Variants in RARRES1 observed in about 807,000 individuals in gnomAD.
The protein encoded by RARRES1 is retinoic acid receptor responder protein 1.
RARRES1 carries 34 observed loss-of-function variants against 30.6 expected under a neutral mutation model. The observed-to-expected ratio is 1.11, with a 90% confidence interval of 0.84 to 1.48. RARRES1 has a LOEUF of 1.48. Among genes scored for constraint, RARRES1 ranks in the 40% most tolerant of loss-of-function variants. The pLI is 0.00. For synonymous variants in RARRES1, 153 were observed against 155.5 expected, an observed-to-expected ratio of 0.98 and a Z score of 0.12; for missense variants, 373 against 386.5, an observed-to-expected ratio of 0.97 and a Z score of 0.29.
intron 3 of RARRES1, 100 bp downstream of exon 3, chr3:158,710,638 A>C (rs1727089372): frequency 8.8e-7 from 1 of 1,134,094 alleles, no homozygotes. Flanking sequence ...AGTTGAATGA[A>C]AGTGCCACTT....
intron 1 of RARRES1, 131 bp downstream of exon 1, chr3:158,732,009 G>T: frequency 1.1e-6 from 1 of 952,370 alleles, no homozygotes; most frequent in Non-Finnish European, 1.4e-6. Flanking sequence ...GATCTCCCCG[G>T]GCGTCGTGCG....
chr3:158,725,377 G>A (rs1028335112), intron 1 of RARRES1, among the ~76,000 whole-genome samples: 4 of 152,204 alleles, frequency 2.6e-5, no homozygotes, highest in African/African-American at 7.2e-5. Context: ...GGGCGAGTGT[G>A]TGTGTATGTA....
rs142954846 is a variant in RARRES1 at position 158,710,826 on chromosome 3, G to C, written c.447C>G (p.Ile149Met). 1.6e-5 allele frequency: 26 copies of C among 1,613,032 alleles called. No homozygotes were observed. The African/African-American group carries it at 2.4e-4, about 15-fold the overall frequency. ...PTINVTCTRL[I>M]EKKKRQQEDY... The stretch of plus-strand genomic sequence containing the variant: ...CCTCTTGTTGTCTTTTCTTTTTCTC[G>C]ATGAGCCGTGTACAAGTTACATTGA... The change falls in exon 3 of 6, where the codon ATC becomes ATG. Residue 149 changes from isoleucine (I) to methionine (M), a missense_variant. Ile to Met is a conservative substitution (Grantham distance 10). Coordinates refer to ENST00000237696, the MANE Select transcript of RARRES1 (RefSeq NM_206963.2).
chr3:158,730,430 C>T (rs1727845842), intron 1 of RARRES1, among the ~76,000 whole-genome samples: 3 of 139,632 alleles, frequency 2.1e-5, no homozygotes, highest in South Asian at 4.7e-4. Flanking sequence ...CTCTCTTTCT[C>T]TCTCTTTTTT....
At chr3:158,699,946 T>A (rs116765187) in intron 4 of RARRES1, among the ~76,000 whole-genome samples, 1 of 152,320 alleles carries the variant, frequency 6.6e-6, no homozygotes, top group African/African-American at 2.4e-5. Context: ...TATCCCAAGA[T>A]GTCCCACACC....
chr3:158,704,414 T>C (rs1427764201), intron 4 of RARRES1, among the ~76,000 whole-genome samples: 1 of 152,004 alleles, frequency 6.6e-6, no homozygotes, highest in East Asian at 1.9e-4. Flanking sequence ...AATTTTTTTG[T>C]AGAGATAGGG....
At chr3:158,711,020 A>AAGGC (rs3830357) in intron 2 of RARRES1, 87 bp from the exon 3 acceptor site, 326,747 of 1,185,710 alleles carry the variant, frequency 0.28, 51,749 homozygotes, top group South Asian at 0.42. Context: ...TTCATTGTAC[A>AAGGC]AGGCAGGCAG....
At chr3:158,732,090 C>G in intron 1 of RARRES1, 50 bp downstream of exon 1, 1 of 1,296,478 alleles carries the variant, frequency 7.7e-7, no homozygotes, top group East Asian at 3.1e-5. Context: ...CCTCCCAGCG[C>G]CGTGCGCGGA....
At chr3:158,700,872 T>G (rs80157926) in intron 4 of RARRES1, among the ~76,000 whole-genome samples, 2 of 152,162 alleles carry the variant, frequency 1.3e-5, no homozygotes, top group African/African-American at 4.8e-5. Context: ...TACTTGGTCA[T>G]AACCCAACCC....
chr3:158,711,631 TC>T (rs1371585753), intron 2 of RARRES1, among the ~76,000 whole-genome samples: 5 of 142,140 alleles, frequency 3.5e-5, no homozygotes, highest in Non-Finnish European at 6.0e-5. Flanking sequence ...TGAGATGGAG[TC>T]CTGCCTGGGT....
At chr3:158,726,714 A>G (rs1238854198) in intron 1 of RARRES1, among the ~76,000 whole-genome samples, 1 of 152,224 alleles carries the variant, frequency 6.6e-6, no homozygotes, top group Non-Finnish European at 1.5e-5. Flanking sequence ...ATTCTTTGAG[A>G]GCTCATTCCA....
At chr3:158,713,974 C>A (rs1454697453) in intron 1 of RARRES1, 115 bp from the exon 2 acceptor site, 1 of 942,256 alleles carries the variant, frequency 1.1e-6, no homozygotes, top group African/African-American at 1.7e-5. Flanking sequence ...AGCATTTATA[C>A]CTGAATAAAA....
chr3:158,718,563 C>T (rs1348084198), intron 1 of RARRES1, among the ~76,000 whole-genome samples: 1 of 152,194 alleles, frequency 6.6e-6, no homozygotes, highest in Non-Finnish European at 1.5e-5. Context: ...TTTACGACTG[C>T]AGTCTGGCAT....
intron 1 of RARRES1, among the ~76,000 whole-genome samples, chr3:158,724,037 G>A (rs539308515): frequency 7.2e-5 from 11 of 152,316 alleles, no homozygotes; most frequent in African/African-American, 2.4e-4. Flanking sequence ...TGGGCAGAGT[G>A]GAAAGAAAAT....
At chr3:158,708,431 C>G (rs1002077775) in intron 3 of RARRES1, among the ~76,000 whole-genome samples, 17 of 152,320 alleles carry the variant, frequency 1.1e-4, no homozygotes, top group Admixed American at 9.2e-4. Flanking sequence ...ACAACTTTAG[C>G]TGGTTATTCC....
rs115802160 is a variant in RARRES1 at position 158,712,498 on chromosome 3, C to G, written c.339+1299G>C. Reference sequence around the variant, plus strand: ...AACACTTTCCAGTAGGCAATTTTTCCTCCTGTGAGTGCTGGTTTTGAGTGA... The same window carrying G: ...AACACTTTCCAGTAGGCAATTTTTCGTCCTGTGAGTGCTGGTTTTGAGTGA... On this transcript the variant is annotated intron_variant, in intron 2 of 5. Coordinates refer to ENST00000237696, the MANE Select transcript of RARRES1 (RefSeq NM_206963.2). 3.9e-3 allele frequency among the ~76,000 whole-genome samples: 601 copies of G among 152,286 alleles called. 4 individuals carry two copies. Among genetic ancestry groups the G allele is most frequent in the African/African-American group, 0.014 (583 of 41,564 alleles).
At position 158,720,985 on chromosome 3, in the gene RARRES1, C is replaced by T. The variant is rs530950408; in HGVS notation, c.277-7126G>A. On this transcript the variant is annotated intron_variant, in intron 1 of 5. Transcript: ENST00000237696. Reference sequence around the variant, plus strand: ...TCTTTTTAGAAGACACACCTCAACCCGTAACAGATGGAAGTAAAGGTGATC... The same window carrying T: ...TCTTTTTAGAAGACACACCTCAACCTGTAACAGATGGAAGTAAAGGTGATC... 6.6e-5 allele frequency among the ~76,000 whole-genome samples: 10 copies of T among 152,230 alleles called. No homozygotes were observed. In the South Asian group the frequency reaches 8.3e-4, roughly 13 times the overall value.
intron 4 of RARRES1, among the ~76,000 whole-genome samples, chr3:158,699,861 T>A (rs1726669159): frequency 6.6e-6 from 1 of 152,168 alleles, no homozygotes; most frequent in Admixed American, 6.5e-5. Context: ...TCTGGCATTG[T>A]CGCTTTGAGG....
chr3:158,717,418 C>A (rs964130683), intron 1 of RARRES1, among the ~76,000 whole-genome samples: 1 of 152,176 alleles, frequency 6.6e-6, no homozygotes, highest in African/African-American at 2.4e-5. Context: ...GTCTAGGGAT[C>A]AGGGAAGCGA....
Sources: allele counts gnomAD v4.1 joint callset (sites outside exome capture counted in the v4.1 genomes callset), GRCh38; gene constraint gnomAD v4.1.1; transcripts MANE v1.5; gene names NCBI Gene and HGNC (gene_info 2026-07-23, HGNC 2026-07-21).